Variants in ZNF285 observed in about 807,000 individuals in gnomAD.
The protein encoded by ZNF285 is zinc finger protein 285.
In ZNF285, 4 loss-of-function variants were observed where a neutral mutation model predicts 6.2. The ratio of observed to expected loss-of-function variants is 0.65; its 90% CI spans 0.32 to 1.49. ZNF285 has a LOEUF of 1.49. ZNF285 is among the 40% of genes most tolerant of loss of function. ZNF285 has a pLI of 0.07. For missense variants in ZNF285, 695 were observed against 708.8 expected, an observed-to-expected ratio of 0.98 and a Z score of 0.22; for synonymous variants, 240 against 245.8, an observed-to-expected ratio of 0.98 and a Z score of 0.22.
intron 2 of ZNF285, among the ~76,000 whole-genome samples, chr19:44,393,498 T>C (rs1971231613): frequency 6.6e-6 from 1 of 152,172 alleles, no homozygotes; most frequent in African/African-American, 2.4e-5. Flanking sequence ...GTAAATTTGT[T>C]TGAGTTCATT....
rs372299793 is a variant in ZNF285 at position 44,387,618 on chromosome 19, A to G, written c.627T>C (p.Cys209=). 1.1e-5 allele frequency: 17 copies of G among 1,613,854 alleles called. No individual in the cohort carries two copies. The African/African-American group carries it at 2.0e-4, about 19-fold the overall frequency. ...TTGATTTCATACCCAAGTTTTTCCCACAGCTGGGATGTCTACCAGGGTCCT... is the reference window on the plus strand; with the variant it reads ...TTGATTTCATACCCAAGTTTTTCCCGCAGCTGGGATGTCTACCAGGGTCCT... ...KGEDPGRHPS[C]GKNLGMKSTV... The change falls in exon 4 of 4, where the codon TGT becomes TGC. Residue 209 remains cysteine (C), a synonymous_variant. Transcript: ENST00000614994.
rs1303461922 is a variant in ZNF285, at chr19:44,384,711, G to C, written c.*1761C>G. 1 of 151,934 alleles carries C rather than the reference G, an allele frequency of 6.6e-6. No homozygotes were observed. Among genetic ancestry groups the C allele is most frequent in the Admixed American group, 6.6e-5 (1 of 15,252 alleles). 9.4% of individuals were successfully genotyped at this position (151,934 alleles called of 1,614,324 possible). On this transcript the variant is annotated 3_prime_UTR_variant, in exon 4 of 4. Transcript: ENST00000614994. ...GGAAAAAAAAAACACCTTGTGGGAT[G>C]AGTGCAGTGGCCCAAACCTGTAATC...
At position 44,392,699 on chromosome 19, in the gene ZNF285, G is replaced by A. The variant is rs530994737; in HGVS notation, c.16-233C>T. The A allele has an allele frequency of 1.2e-5, 9 of 735,200 alleles. 1 individual carries two copies. Among genetic ancestry groups the A allele is most frequent in the African/African-American group, 5.2e-5 (3 of 57,498 alleles). The allele number at this position is 735,200 out of a possible 1,614,324, so 45.5% of individuals were successfully genotyped here. ...GCTCTCACTGTGTCCTTACATGGCA[G>A]AGGGAGAATGAGAGCAAGCTCTGTT... On this transcript the variant is annotated intron_variant, in intron 2 of 3. Coordinates refer to ENST00000614994, the MANE Select transcript of ZNF285 (RefSeq NM_152354.6).
At position 44,388,148 on chromosome 19, in the gene ZNF285, C is replaced by T. The variant is rs139325404; in HGVS notation, c.143-46G>A. The T allele has an allele frequency of 2.8e-3, 4,271 of 1,546,022 alleles. 35 individuals are homozygous for T. Among genetic ancestry groups the T allele is most frequent in the African/African-American group, 0.019 (1,411 of 72,576 alleles). On this transcript the variant is annotated intron_variant, in intron 3 of 3. Transcript: ENST00000614994. ...TGGCTAAGAGAACAAGTCAATCATC[C>T]ATCCAGAGGTTTTGAGAAAATGTAA...
chr19:44,397,904 GA>G (rs374026345), intron 1 of ZNF285, among the ~76,000 whole-genome samples: 117 of 146,538 alleles, frequency 8.0e-4, no homozygotes, highest in South Asian at 4.6e-3. Flanking sequence ...AAAAACAGAG[GA>G]AAAAAAAAAG....
intron 3 of ZNF285, among the ~76,000 whole-genome samples, chr19:44,389,236 C>A (rs1484252209): frequency 5.9e-5 from 9 of 152,134 alleles, no homozygotes; most frequent in Non-Finnish European, 1.2e-4. Context: ...ATATAACAAA[C>A]AGGGGGCTGA....
rs764961346 is a variant in ZNF285, at chr19:44,387,199, C to T, written c.1046G>A (p.Cys349Tyr). 1.2e-6 allele frequency: 2 copies of T among 1,614,116 alleles called. No individual in the cohort carries two copies. Among genetic ancestry groups the T allele is most frequent in the African/African-American group, 1.3e-5 (1 of 75,022 alleles). The change falls in exon 4 of 4, where the codon TGT becomes TAT. Residue 349 changes from cysteine (C) to tyrosine (Y), a missense_variant. Cys to Tyr is a radical substitution (Grantham distance 194). Transcript: ENST00000614994. Reference protein sequence around the residue: ...TGEMPYKCDECGKGFGFRSLL... With the variant: ...TGEMPYKCDEYGKGFGFRSLL... Reference sequence around the variant, plus strand: ...TGACCTAAATCCAAACCCTTTCCCACATTCATCGCATTTGTAGGGCATCTC... The same window carrying T: ...TGACCTAAATCCAAACCCTTTCCCATATTCATCGCATTTGTAGGGCATCTC...
chr19:44,392,444 A>T lies in ZNF285; in HGVS notation c.38T>A (p.Val13Glu). ...KFQERVTFKD[V>E]AVVFTKEELA... Reference sequence around the variant, plus strand: ...CTCTTCCTTGGTGAAGACAACAGCCACATCCTTGAATGTCACCCTTTCCTA... The same window carrying T: ...CTCTTCCTTGGTGAAGACAACAGCCTCATCCTTGAATGTCACCCTTTCCTA... The change falls in exon 3 of 4, where the codon GTG becomes GAG. Residue 13 changes from valine (V) to glutamate (E), a missense_variant. Physicochemically the swap from Val to Glu is moderately radical, Grantham distance 121. Transcript: ENST00000614994. 1 of 1,613,890 alleles carries T rather than the reference A, an allele frequency of 6.2e-7. No homozygotes were observed. Among genetic ancestry groups the T allele is most frequent in the Non-Finnish European group, 8.5e-7 (1 of 1,179,836 alleles).
chr19:44,387,717 G>A lies in ZNF285; in HGVS notation c.528C>T (p.Tyr176=), dbSNP rs544411396. 6.8e-6 allele frequency: 11 copies of A among 1,613,856 alleles called. No individual in the cohort carries two copies. In the South Asian group the frequency reaches 1.2e-4, roughly 18 times the overall value. The change falls in exon 4 of 4, where the codon TAC becomes TAT. Residue 176 remains tyrosine (Y), a synonymous_variant. Transcript: ENST00000614994. ...GGCTGTCATCATGCTGAGCACGTCT[G>A]TACAATTTCTCTTCCATGTAAATTC... is the stretch of plus-strand genomic sequence containing the variant. ...YKGIYMEEKL[Y]RRAQHDDSLS...
At chr19:44,392,310 G>C (rs745630707) in intron 3 of ZNF285, 30 bp downstream of exon 3, 67 of 1,613,312 alleles carry the variant, frequency 4.2e-5, no homozygotes, top group Non-Finnish European at 5.4e-5. Context: ...TGAGGAAACA[G>C]GTCCAGTGGT....
chr19:44,390,641 T>C (rs537012129), intron 3 of ZNF285, among the ~76,000 whole-genome samples: 3 of 152,164 alleles, frequency 2.0e-5, no homozygotes, highest in South Asian at 2.1e-4. Context: ...GGAGGCATCA[T>C]TGGCTTTGAA....
At chr19:44,392,296 G>A in intron 3 of ZNF285, 44 bp downstream of exon 3, 1 of 1,612,408 alleles carries the variant, frequency 6.2e-7, no homozygotes, top group South Asian at 1.1e-5. Context: ...TTGAAATGAT[G>A]ATTTGAGGAA....
At position 44,386,895 on chromosome 19, in the gene ZNF285, G is replaced by A. The variant is rs750402007; in HGVS notation, c.1350C>T (p.His450=). The A allele has an allele frequency of 2.5e-6, 4 of 1,614,090 alleles. No homozygotes were observed. The African/African-American group carries it at 4.0e-5, about 16-fold the overall frequency. ...TGCATTTGTATGGTTTCTCCCCTGT[G>A]TGGACTCTCTGGTGAATGTGAAGGT... ...CTHLHIHQRV[H]TGEKPYKCNV... Residue 450 remains histidine, a synonymous_variant, in exon 4 of 4, where the codon CAC becomes CAT. Transcript: ENST00000614994.
intron 1 of ZNF285, among the ~76,000 whole-genome samples, chr19:44,399,345 C>CA (rs1223646058): frequency 7.2e-6 from 1 of 138,164 alleles, no homozygotes; most frequent in East Asian, 2.2e-4. Flanking sequence ...TAAAACCTAC[C>CA]AAGAAAACAC....
Position 44,387,591 on chromosome 19 carries a change from C to G in ZNF285, c.654G>C (p.Thr218=). The change falls in exon 4 of 4, where the codon ACG becomes ACC. Residue 218 remains threonine, a synonymous_variant. Transcript: ENST00000614994. ...SCGKNLGMKS[T]VEKRNAAHVL... is the part of the protein sequence containing the mutation. ...CATGGGCCGCATTACGTTTTTCAAC[C>G]GTTGATTTCATACCCAAGTTTTTCC... is the stretch of plus-strand genomic sequence containing the variant. 6.2e-7 allele frequency: 1 copy of G among 1,613,866 alleles called. No homozygotes were observed. The highest frequency in any genetic ancestry group is 8.5e-7 in the Non-Finnish European group (1 of 1,179,838).
intron 2 of ZNF285, among the ~76,000 whole-genome samples, chr19:44,392,947 T>C (rs1202766841): frequency 1.3e-5 from 2 of 152,148 alleles, no homozygotes; most frequent in Non-Finnish European, 2.9e-5. Flanking sequence ...TGTATTATGT[T>C]AAAAGGAACT....
intron 2 of ZNF285, among the ~76,000 whole-genome samples, chr19:44,392,930 A>C (rs1971221874): frequency 6.6e-6 from 1 of 152,194 alleles, no homozygotes; most frequent in Admixed American, 6.5e-5. Context: ...TGGCAGATTA[A>C]TCTATTTGTA....
At position 44,387,903 on chromosome 19, in the gene ZNF285, A is replaced by C; in HGVS notation, c.342T>G (p.Ile114Met). The change falls in exon 4 of 4, where the codon ATT becomes ATG. Residue 114 changes from isoleucine (I) to methionine (M), a missense_variant. Coordinates refer to ENST00000614994, the MANE Select transcript of ZNF285 (RefSeq NM_152354.6). ...TTTCATTTTCAGAAATCTGAAGAGA[A>C]ATGCCTGCCCACTCTTCACTGAGGG... ...DVSLSEEWAGISLQISENENY... is the reference protein window; with the variant it reads ...DVSLSEEWAGMSLQISENENY... 1.2e-6 allele frequency: 2 copies of C among 1,613,954 alleles called. No homozygotes were observed. The highest frequency in any genetic ancestry group is 1.7e-6 in the Non-Finnish European group (2 of 1,179,896).
At chr19:44,399,603 G>A (rs1018094458) in intron 1 of ZNF285, among the ~76,000 whole-genome samples, 4 of 151,836 alleles carry the variant, frequency 2.6e-5, no homozygotes, top group African/African-American at 4.9e-5. Context: ...TAATGGGACA[G>A]GTTTATTTTG....
Sources: allele counts gnomAD v4.1 joint callset (sites outside exome capture counted in the v4.1 genomes callset), GRCh38; gene constraint gnomAD v4.1.1; transcripts MANE v1.5; gene names NCBI Gene and HGNC (gene_info 2026-07-23, HGNC 2026-07-21).